Variants in TMEM72 observed in about 807,000 individuals in gnomAD.
The protein encoded by TMEM72 is kidney-specific secretory protein of 37 kDa.
TMEM72 carries 9 observed loss-of-function variants against 16.3 expected under a neutral mutation model. The observed-to-expected ratio is 0.55, with a 90% CI of 0.33 to 0.96. The LOEUF (loss-of-function observed/expected upper bound fraction) is 0.96, where lower values mean the gene tolerates loss of function less well. Ranked by LOEUF, TMEM72 falls within the 40% of genes least tolerant of loss-of-function variation. The pLI is 0.03. For missense variants in TMEM72, 324 were observed against 337.8 expected, an observed-to-expected ratio of 0.96 and a Z score of 0.32; for synonymous variants, 160 against 146.5, an observed-to-expected ratio of 1.09 and a Z score of -0.66.
chr10:44,916,817 T>G lies in TMEM72; in HGVS notation c.70+5235T>G, dbSNP rs191516503. ...TCAAACATTTCTTTTTTCACAACTT[T>G]GTGCCTGTGCCTTGCTTCTAGATTT... On this transcript the variant is annotated intron_variant, in intron 1 of 4. Coordinates refer to ENST00000389583, the MANE Select transcript of TMEM72 (RefSeq NM_001123376.3). Among the ~76,000 whole-genome samples, 230 of 152,102 alleles carry G rather than the reference T, an allele frequency of 1.5e-3. 1 individual carries two copies. Among genetic ancestry groups the G allele is most frequent in the African/African-American group, 5.5e-3 (226 of 41,350 alleles).
chr10:44,918,642 G>T (rs1015371220), intron 1 of TMEM72, among the ~76,000 whole-genome samples: 1 of 152,158 alleles, frequency 6.6e-6, no homozygotes, highest in Non-Finnish European at 1.5e-5. Context: ...GTTCATCTCA[G>T]AAATGCAAGG....
intron 4 of TMEM72, 39 bp from the exon 5 acceptor site, chr10:44,934,617 G>C (rs73279306): frequency 6.6e-7 from 1 of 1,505,242 alleles, no homozygotes. Flanking sequence ...GATTTTTTCC[G>C]TGACTCCTCT....
intron 1 of TMEM72, among the ~76,000 whole-genome samples, chr10:44,919,341 A>T (rs1343494177): frequency 1.3e-5 from 2 of 152,214 alleles, no homozygotes; most frequent in Admixed American, 1.3e-4. Flanking sequence ...ATTGTCCAGG[A>T]AAAAGAAAAA....
chr10:44,917,081 G>T (rs1221303189), intron 1 of TMEM72, among the ~76,000 whole-genome samples: 2 of 152,154 alleles, frequency 1.3e-5, no homozygotes, highest in Non-Finnish European at 2.9e-5. Flanking sequence ...AGAATGGCAA[G>T]ACCTTGCCCT....
At chr10:44,919,081 C>T (rs1840054442) in intron 1 of TMEM72, among the ~76,000 whole-genome samples, 2 of 152,140 alleles carry the variant, frequency 1.3e-5, no homozygotes, top group African/African-American at 4.8e-5. Context: ...TAAATAGACA[C>T]AAAGTTTTAA....
At chr10:44,934,125 G>A (rs1363495218) in intron 4 of TMEM72, among the ~76,000 whole-genome samples, 3 of 152,116 alleles carry the variant, frequency 2.0e-5, no homozygotes, top group Non-Finnish European at 4.4e-5. Flanking sequence ...AATCTCCCCA[G>A]TGCCTACTCA....
chr10:44,934,725 C>T lies in TMEM72; in HGVS notation c.419C>T (p.Pro140Leu). 6.2e-7 allele frequency: 1 copy of T among 1,612,016 alleles called. No homozygotes were observed. Among genetic ancestry groups the T allele is most frequent in the Non-Finnish European group, 8.5e-7 (1 of 1,179,434 alleles). Residue 140 changes from proline to leucine, a missense_variant, in exon 5 of 5, where the codon CCC (proline) becomes CTC (leucine). Coordinates refer to ENST00000389583, the MANE Select transcript of TMEM72 (RefSeq NM_001123376.3). ...LSKRKKRKAA[P>L]EVLASPEQYT... The stretch of plus-strand genomic sequence containing the variant: ...AAGCGGAAGAAGAGGAAAGCTGCCC[C>T]CGAGGTGCTGGCCTCCCCAGAGCAG...
At chr10:44,933,826 A>G in intron 4 of TMEM72, 50 bp downstream of exon 4, 1 of 1,546,088 alleles carries the variant, frequency 6.5e-7, no homozygotes, top group South Asian at 1.2e-5. Context: ...GTGGACTCTG[A>G]GCAGGAGGAG....
chr10:44,915,669 G>A (rs1430179067), intron 1 of TMEM72, among the ~76,000 whole-genome samples: 1 of 152,112 alleles, frequency 6.6e-6, no homozygotes, highest in Non-Finnish European at 1.5e-5. Flanking sequence ...TCCTGCCCTT[G>A]GTCAGTTCTG....
chr10:44,925,917 G>A (rs1013424908), intron 1 of TMEM72, among the ~76,000 whole-genome samples: 4 of 151,256 alleles, frequency 2.6e-5, no homozygotes, highest in Non-Finnish European at 4.4e-5. Context: ...ATATTCACAC[G>A]TGCACATTCA....
At chr10:44,931,885 G>A (rs1322465645) in intron 2 of TMEM72, 113 bp from the exon 3 acceptor site, 3 of 1,038,982 alleles carry the variant, frequency 2.9e-6, no homozygotes, top group Non-Finnish European at 4.3e-6. Context: ...GGGAATCCAG[G>A]TGAGTCCATT....
chr10:44,928,823 T>TATCC lies in TMEM72; in HGVS notation c.137+854_137+857dup, dbSNP rs1005093867. 3.2e-4 allele frequency among the ~76,000 whole-genome samples: 48 copies of TATCC among 150,646 alleles called. No homozygotes were observed. In the East Asian group the frequency reaches 4.4e-3, roughly 14 times the overall value. Reference sequence around the variant, plus strand: ...CTATCCATCCATCCATCCACCCACCTATCCATCCATCCATCCATCCACCTA... The same window carrying TATCC: ...CTATCCATCCATCCATCCACCCACCTATCCATCCATCCATCCATCCATCCACCTA... On this transcript the variant is annotated intron_variant, in intron 2 of 4. Transcript: ENST00000389583.
At chr10:44,927,700 A>G (rs1228101965) in intron 1 of TMEM72, among the ~76,000 whole-genome samples, 1 of 152,234 alleles carries the variant, frequency 6.6e-6, no homozygotes, top group Non-Finnish European at 1.5e-5. Context: ...CTTAATCAGA[A>G]GACCTCTGGG....
chr10:44,924,945 G>C (rs1272042738), intron 1 of TMEM72, among the ~76,000 whole-genome samples: 1 of 152,372 alleles, frequency 6.6e-6, no homozygotes, highest in East Asian at 1.9e-4. Context: ...AAAGCTGCCA[G>C]GGCCAAGTTG....
chr10:44,930,472 C>T (rs988660940), intron 2 of TMEM72, among the ~76,000 whole-genome samples: 6 of 152,044 alleles, frequency 3.9e-5, no homozygotes, highest in African/African-American at 9.7e-5. Flanking sequence ...GTTTCCTCAT[C>T]GGTAAACTGA....
At chr10:44,912,645 C>T (rs539728402) in intron 1 of TMEM72, among the ~76,000 whole-genome samples, 26 of 152,334 alleles carry the variant, frequency 1.7e-4, no homozygotes, top group African/African-American at 6.0e-4. Flanking sequence ...TGGGGACCTG[C>T]TGGCCAGGTG....
chr10:44,912,074 C>T (rs1839945548), intron 1 of TMEM72, among the ~76,000 whole-genome samples: 1 of 152,240 alleles, frequency 6.6e-6, no homozygotes, highest in South Asian at 2.1e-4. Context: ...CCTGGCTGGA[C>T]GTGGAGATCA....
chr10:44,925,410 C>A (rs920191495), intron 1 of TMEM72, among the ~76,000 whole-genome samples: 2 of 152,202 alleles, frequency 1.3e-5, no homozygotes, highest in East Asian at 3.8e-4. Context: ...GCCAACATGA[C>A]GTGTCACGTA....
At chr10:44,911,609 T>C (rs1443044559) in intron 1 of TMEM72, 27 bp downstream of exon 1, 2 of 1,548,096 alleles carry the variant, frequency 1.3e-6, no homozygotes, top group Non-Finnish European at 1.7e-6. Flanking sequence ...TGGCTGCTGA[T>C]CCTTGCACAC....
Sources: allele counts gnomAD v4.1 joint callset (sites outside exome capture counted in the v4.1 genomes callset), GRCh38; gene constraint gnomAD v4.1.1; transcripts MANE v1.5; gene names NCBI Gene and HGNC (gene_info 2026-07-23, HGNC 2026-07-21).